Variants in PPARG observed in about 807,000 individuals in gnomAD.
The protein encoded by PPARG is peroxisome proliferator-activated receptor gamma.
A neutral mutation model predicts 39.2 loss-of-function variants in PPARG; 17 were observed. The ratio of observed to expected loss-of-function variants is 0.43; its 90% CI spans 0.30 to 0.65. The LOEUF (loss-of-function observed/expected upper bound fraction) is 0.65. Among genes scored for constraint, PPARG ranks in the 30% least tolerant of loss-of-function variants. The pLI is 0.13. For missense variants in PPARG, 406 were observed against 585.9 expected (o/e 0.69, Z 3.17); for synonymous variants, 223 against 215.7 (o/e 1.03, Z -0.30).
At chr3:12,354,146 G>C (rs4684848) in intron 2 of PPARG, among the ~76,000 whole-genome samples, 1 of 152,048 alleles carries the variant, frequency 6.6e-6, no homozygotes, top group Non-Finnish European at 1.5e-5. Context: ...CCAGGCAACT[G>C]TATATTCAGA....
intron 6 of PPARG, among the ~76,000 whole-genome samples, chr3:12,414,825 T>C (rs1028090125): frequency 2.0e-5 from 3 of 152,184 alleles, no homozygotes; most frequent in Non-Finnish European, 4.4e-5. Context: ...GGTCCTCACA[T>C]CTGTCCTCTT....
At chr3:12,433,273 C>T (rs751429092) in intron 7 of PPARG, among the ~76,000 whole-genome samples, 1 of 152,182 alleles carries the variant, frequency 6.6e-6, no homozygotes, top group African/African-American at 2.4e-5. Context: ...CACAGTGGCT[C>T]ATGCCTGTAA....
At chr3:12,325,544 TG>T (rs1457379560) in intron 2 of PPARG, among the ~76,000 whole-genome samples, 1 of 152,014 alleles carries the variant, frequency 6.6e-6, no homozygotes, top group Non-Finnish European at 1.5e-5. Flanking sequence ...GAGGTTGCAG[TG>T]AGCCGAGATT....
At chr3:12,349,455 T>C (rs1399696143) in intron 2 of PPARG, among the ~76,000 whole-genome samples, 2 of 152,216 alleles carry the variant, frequency 1.3e-5, no homozygotes, top group Non-Finnish European at 2.9e-5. Flanking sequence ...TTGTTAGTAA[T>C]GTAGGGATGC....
chr3:12,305,329 C>T (rs190072462), intron 1 of PPARG, among the ~76,000 whole-genome samples: 1 of 152,250 alleles, frequency 6.6e-6, no homozygotes, highest in East Asian at 1.9e-4. Context: ...TGTTATGTTG[C>T]TCTTTATGAG....
intron 2 of PPARG, among the ~76,000 whole-genome samples, chr3:12,358,422 A>G (rs2048734176): frequency 6.6e-6 from 1 of 152,220 alleles, no homozygotes. Context: ...GGAAGTTAAT[A>G]CAGACATAAT....
intron 1 of PPARG, among the ~76,000 whole-genome samples, chr3:12,296,058 C>G (rs1164076700): frequency 6.6e-6 from 1 of 151,072 alleles, no homozygotes; most frequent in African/African-American, 2.4e-5. Context: ...TTGAGACCAG[C>G]CTGGCCAACG....
chr3:12,329,843 A>G (rs1333082003), intron 2 of PPARG, among the ~76,000 whole-genome samples: 1 of 152,156 alleles, frequency 6.6e-6, no homozygotes, highest in Non-Finnish European at 1.5e-5. Flanking sequence ...TTCTGTCTCT[A>G]TGAATTCGGA....
At position 12,368,183 on chromosome 3, in the gene PPARG, C is replaced by CTTTTTTTTTT. The variant is rs556381640; in HGVS notation, c.-8-11515_-8-11514insTTTTTTTTTT. Among the ~76,000 whole-genome samples the CTTTTTTTTTT allele has an allele frequency of 2.2e-5, 3 of 133,466 alleles. 1 individual carries two copies. The highest frequency in any genetic ancestry group is 5.6e-5 in the African/African-American group (2 of 35,882). The allele number at this position is 133,466 out of a possible 152,430, so 87.6% of individuals were successfully genotyped here. A position where few individuals can be genotyped will look rare whatever the true frequency, so the allele number is the denominator to read the frequency against. Reference sequence around the variant, plus strand: ...TAATAGTTTTCATTTTTTTCTTTTTCTTTTTTGTTTTTTTTTCAGACAGTG... The same window carrying CTTTTTTTTTT: ...TAATAGTTTTCATTTTTTTCTTTTTCTTTTTTTTTTTTTTTTGTTTTTTTTTCAGACAGTG... On this transcript the variant is annotated intron_variant, in intron 2 of 7. Coordinates refer to ENST00000651735, the MANE Select transcript of PPARG (RefSeq NM_138711.6).
At chr3:12,392,916 A>T (rs1345731301) in intron 5 of PPARG, among the ~76,000 whole-genome samples, 164 bp downstream of exon 5, 2 of 152,250 alleles carry the variant, frequency 1.3e-5, no homozygotes, top group African/African-American at 4.8e-5. Flanking sequence ...CAGTGTTTTT[A>T]AAGTTTTATT....
chr3:12,353,536 C>G (rs1222659028), intron 2 of PPARG, among the ~76,000 whole-genome samples: 4 of 152,140 alleles, frequency 2.6e-5, no homozygotes, highest in African/African-American at 9.7e-5. Context: ...CTCTTAGGTG[C>G]TCCTTCTTCC....
intron 2 of PPARG, among the ~76,000 whole-genome samples, chr3:12,348,311 G>T (rs909077557): frequency 1.3e-5 from 2 of 152,034 alleles, no homozygotes; most frequent in African/African-American, 4.8e-5. Flanking sequence ...AGCTTTTATT[G>T]GTTGAATTGC....
At chr3:12,317,247 A>G (rs1240700219) in intron 2 of PPARG, among the ~76,000 whole-genome samples, 1 of 152,224 alleles carries the variant, frequency 6.6e-6, no homozygotes, top group Non-Finnish European at 1.5e-5. Flanking sequence ...TTAGGAACGA[A>G]GACAAATTAC....
At chr3:12,347,445 A>T (rs1232824514) in intron 2 of PPARG, among the ~76,000 whole-genome samples, 1 of 152,152 alleles carries the variant, frequency 6.6e-6, no homozygotes, top group Non-Finnish European at 1.5e-5. Context: ...TACATCCAGG[A>T]TACAGGATTA....
At chr3:12,334,230 T>G (rs2047945676) in intron 2 of PPARG, among the ~76,000 whole-genome samples, 1 of 151,610 alleles carries the variant, frequency 6.6e-6, no homozygotes, top group South Asian at 2.1e-4. Context: ...CTTTTCTTTT[T>G]TTCTTTTTTT....
chr3:12,336,930 G>A (rs1268923300), intron 2 of PPARG, among the ~76,000 whole-genome samples: 1 of 152,190 alleles, frequency 6.6e-6, no homozygotes, highest in Non-Finnish European at 1.5e-5. Context: ...TAAAAATACA[G>A]TAGCTTGTCT....
intron 4 of PPARG, among the ~76,000 whole-genome samples, chr3:12,390,388 A>C (rs2050027262): frequency 1.3e-5 from 2 of 152,290 alleles, no homozygotes; most frequent in Middle Eastern, 3.4e-3. Context: ...TCAAACGTCC[A>C]TCTGCATACA....
chr3:12,414,252 T>C (rs534448632), intron 6 of PPARG, among the ~76,000 whole-genome samples: 11 of 152,344 alleles, frequency 7.2e-5, no homozygotes, highest in African/African-American at 2.4e-4. Flanking sequence ...TTCATGTTAT[T>C]TGTACTCCTG....
intron 5 of PPARG, among the ~76,000 whole-genome samples, chr3:12,394,465 T>C (rs2050187914): frequency 6.6e-6 from 1 of 152,216 alleles, no homozygotes; most frequent in African/African-American, 2.4e-5. Flanking sequence ...TCTCCTCCCA[T>C]AAATGTCAAA....
Sources: gnomAD v4.1 joint callset for allele counts (sites outside exome capture counted in the v4.1 genomes callset) on GRCh38, gnomAD v4.1.1 for gene constraint, MANE v1.5 for transcripts, NCBI Gene and HGNC (gene_info 2026-07-23, HGNC 2026-07-21) for gene names.